EMB: variants seen among roughly 807,000 people sequenced by gnomAD.
The protein encoded by EMB is embigin homolog.
EMB carries 31 observed loss-of-function variants against 41.4 expected under a neutral mutation model. The observed-to-expected ratio is 0.75, with a 90% CI of 0.56 to 1.01. The LOEUF is 1.01. Among genes scored for constraint, EMB ranks in the 50% least tolerant of loss-of-function variants. The probability of loss-of-function intolerance (pLI) is 0.00; values close to 1 mark genes in which losing one functional copy is unlikely to be tolerated. For synonymous variants in EMB, 137 were observed against 140.4 expected, an observed-to-expected ratio of 0.98 and a Z score of 0.17; for missense variants, 379 against 388.3, an observed-to-expected ratio of 0.98 and a Z score of 0.20.
intron 1 of EMB, among the ~76,000 whole-genome samples, chr5:50,428,913 G>C (rs1745667757): frequency 6.7e-6 from 1 of 148,568 alleles, no homozygotes; most frequent in Non-Finnish European, 1.5e-5. Context: ...TTTTTATTTT[G>C]AGATGGGAGT....
chr5:50,442,851 C>T (rs1257998776), upstream of EMB: 1 of 152,136 alleles, frequency 6.6e-6, no homozygotes, highest in Non-Finnish European at 1.5e-5. Context: ...CTGACTTTTC[C>T]CAGTTAGTCT....
chr5:50,402,223 TC>T, intron 7 of EMB, 62 bp downstream of exon 7: 1 of 1,527,868 alleles, frequency 6.5e-7, no homozygotes, highest in South Asian at 1.1e-5. Flanking sequence ...AACATTTCAT[TC>T]AATTTTATGT....
At chr5:50,422,131 A>G (rs1299094910) in intron 2 of EMB, among the ~76,000 whole-genome samples, 1 of 152,244 alleles carries the variant, frequency 6.6e-6, no homozygotes, top group African/African-American at 2.4e-5. Context: ...ATGTTTTTAA[A>G]AATAATACTA....
At chr5:50,439,462 G>A (rs374281936) in intron 1 of EMB, among the ~76,000 whole-genome samples, 1 of 150,208 alleles carries the variant, frequency 6.7e-6, no homozygotes, top group African/African-American at 2.5e-5. Context: ...GACTACTGGT[G>A]TACATCACCA....
chr5:50,422,118 G>T (rs918804649), intron 2 of EMB, among the ~76,000 whole-genome samples: 1 of 151,966 alleles, frequency 6.6e-6, no homozygotes, highest in Non-Finnish European at 1.5e-5. Flanking sequence ...CAGATAAAAA[G>T]ATATGTTTTT....
chr5:50,429,109 T>C (rs1266739486), intron 1 of EMB, among the ~76,000 whole-genome samples: 1 of 152,138 alleles, frequency 6.6e-6, no homozygotes, highest in Non-Finnish European at 1.5e-5. Context: ...TTGGCCAGGA[T>C]GGTCTCAATC....
At chr5:50,400,963 T>C (rs1481347632) in intron 7 of EMB, among the ~76,000 whole-genome samples, 2 of 152,018 alleles carry the variant, frequency 1.3e-5, no homozygotes, top group East Asian at 1.9e-4. Context: ...GCTCGGAGAA[T>C]AGAGGAATCC....
intron 1 of EMB, among the ~76,000 whole-genome samples, chr5:50,438,207 AGTATGT>A (rs1470821644): frequency 6.6e-6 from 1 of 152,236 alleles, no homozygotes; most frequent in Non-Finnish European, 1.5e-5. Flanking sequence ...TGCTTAACTA[AGTATGT>A]GTAATTACTT....
chr5:50,413,633 T>C (rs1745380885), intron 2 of EMB, among the ~76,000 whole-genome samples: 1 of 151,324 alleles, frequency 6.6e-6, no homozygotes, highest in Non-Finnish European at 1.5e-5. Flanking sequence ...TGGAGTACAA[T>C]GGTGTCGTCT....
chr5:50,439,056 T>C (rs1334271713), intron 1 of EMB, among the ~76,000 whole-genome samples: 7 of 151,884 alleles, frequency 4.6e-5, no homozygotes, highest in South Asian at 2.1e-4. Context: ...TAAAGCTACA[T>C]GGAGAGCTGA....
intron 2 of EMB, among the ~76,000 whole-genome samples, chr5:50,415,919 A>T (rs945232683): frequency 2.0e-5 from 3 of 152,278 alleles, no homozygotes; most frequent in Non-Finnish European, 4.4e-5. Context: ...CAATCAAAAT[A>T]TTTTAAAAAT....
intron 2 of EMB, among the ~76,000 whole-genome samples, chr5:50,419,919 T>C (rs1435029297): frequency 2.0e-5 from 3 of 152,038 alleles, no homozygotes; most frequent in African/African-American, 7.2e-5. Context: ...CTCAGCAAAC[T>C]AACACAGGAA....
chr5:50,441,213 G>T lies in EMB; in HGVS notation c.-62C>A. 1 of 1,065,084 alleles carries T rather than the reference G, an allele frequency of 9.4e-7. No homozygotes were observed. The highest frequency in any genetic ancestry group is 1.2e-6 in the Non-Finnish European group (1 of 803,404). 66.0% of individuals were successfully genotyped at this position (1,065,084 alleles called of 1,614,324 possible). A position where few individuals can be genotyped will look rare whatever the true frequency, so the allele number is the denominator to read the frequency against. ...GCTCCCTCAGCTCGCCGCCGCGGGTGTCCAGAGTCCCTGCGCACACTCGCA... is the reference window on the plus strand; with the variant it reads ...GCTCCCTCAGCTCGCCGCCGCGGGTTTCCAGAGTCCCTGCGCACACTCGCA... On this transcript the variant is annotated 5_prime_UTR_variant, in exon 1 of 9. Coordinates refer to ENST00000303221, the MANE Select transcript of EMB (RefSeq NM_198449.3).
intron 4 of EMB, among the ~76,000 whole-genome samples, chr5:50,406,669 T>A (rs922066961): frequency 2.6e-5 from 4 of 152,048 alleles, no homozygotes; most frequent in African/African-American, 7.2e-5. Flanking sequence ...ACACTGAAGA[T>A]GTAGACTCAT....
chr5:50,417,526 A>G (rs924701904), intron 2 of EMB, among the ~76,000 whole-genome samples: 1 of 152,232 alleles, frequency 6.6e-6, no homozygotes. Flanking sequence ...CCAATGTGAT[A>G]CAGCCTAAAA....
At position 50,399,290 on chromosome 5, in the gene EMB, C is replaced by G; in HGVS notation, c.967G>C (p.Glu323Gln). Reference protein sequence around the residue: ...ENNVPRHRKNESLGQ With the variant: ...ENNVPRHRKNQSLGQ ...TTTTGTATTCACTGGCCCAGAGACTCCTGAGTTAAATAAAGCATAATCAAA... is the reference window on the plus strand; with the variant it reads ...TTTTGTATTCACTGGCCCAGAGACTGCTGAGTTAAATAAAGCATAATCAAA... The change falls in exon 9 of 9, where the codon GAG (glutamate) becomes CAG (glutamine). Residue 323 changes from glutamate to glutamine, a missense_variant and splice_region_variant. Glu to Gln is a conservative substitution (Grantham distance 29, BLOSUM62 2). Coordinates refer to ENST00000303221, the MANE Select transcript of EMB (RefSeq NM_198449.3). 1 of 1,607,972 alleles carries G rather than the reference C, an allele frequency of 6.2e-7. No individual in the cohort carries two copies. Among genetic ancestry groups the G allele is most frequent in the Non-Finnish European group, 8.5e-7 (1 of 1,176,634 alleles).
chr5:50,411,270 T>C lies in EMB; in HGVS notation c.310A>G (p.Lys104Glu). 6.2e-7 allele frequency: 1 copy of C among 1,613,190 alleles called. No homozygotes were observed. The change falls in exon 3 of 9, where the codon AAA (lysine) becomes GAA (glutamate). Residue 104 changes from lysine to glutamate, a missense_variant. By Grantham distance (56) the Lys-to-Glu change is moderately conservative (BLOSUM62 1). Transcript: ENST00000303221. Reference protein sequence around the residue: ...GDLNAVNVTWKKDGEQLENNY... With the variant: ...GDLNAVNVTWEKDGEQLENNY... ...TTCTCAAGTTGTTCACCATCTTTTT[T>C]CCAAGTCACATTTACTGCATTCAAA...
intron 2 of EMB, among the ~76,000 whole-genome samples, chr5:50,413,702 A>C (rs2111803903): frequency 6.6e-6 from 1 of 151,676 alleles, no homozygotes; most frequent in African/African-American, 2.4e-5. Context: ...CAGCCTCCCA[A>C]GTAGCTGGGA....
Position 50,405,852 on chromosome 5 carries a change from A to G in EMB, c.473T>C (p.Val158Ala). 1 of 1,580,632 alleles carries G rather than the reference A, an allele frequency of 6.3e-7. No homozygotes were observed. Among genetic ancestry groups the G allele is most frequent in the Non-Finnish European group, 8.6e-7 (1 of 1,167,288 alleles). ...KEQRGTFNFK[V>A]PELHGKNKPL... is the part of the protein sequence containing the mutation. Reference sequence around the variant, plus strand: ...CTTGTTTTTCCCATGAAGTTCAGGGACTGAGAATAAAATAGAGAAATGTAT... The same window carrying G: ...CTTGTTTTTCCCATGAAGTTCAGGGGCTGAGAATAAAATAGAGAAATGTAT... Residue 158 changes from valine to alanine, a missense_variant and splice_region_variant, in exon 5 of 9, where the codon GTC (valine) becomes GCC (alanine). Val to Ala is a moderately conservative substitution (Grantham distance 64, BLOSUM62 0). Coordinates refer to ENST00000303221, the MANE Select transcript of EMB (RefSeq NM_198449.3).
Sources: allele counts gnomAD v4.1 joint callset (sites outside exome capture counted in the v4.1 genomes callset), GRCh38; gene constraint gnomAD v4.1.1; transcripts MANE v1.5; gene names NCBI Gene and HGNC (gene_info 2026-07-23, HGNC 2026-07-21).